The following EPHB2 variants were observed in gnomAD, a reference collection of about 807,000 sequenced individuals.
EPHB2 encodes EPH receptor B2.
Under a neutral mutation model 96.4 loss-of-function variants are expected in EPHB2, and 18 were observed. That is an observed-to-expected ratio of 0.19 (90% CI 0.13 to 0.28). The LOEUF is 0.28. Among genes scored for constraint, EPHB2 ranks in the 10% least tolerant of loss-of-function variants. The pLI, the probability that EPHB2 is intolerant of heterozygous loss-of-function variation, is 1.00. For synonymous variants in EPHB2, 506 were observed against 534.1 expected (o/e 0.95, Z 0.72); for missense variants, 989 against 1,355.4 (o/e 0.73, Z 4.25).
intron 13 of EPHB2, among the ~76,000 whole-genome samples, chr1:22,909,519 T>TGATCAGGAGCTTTTAC (rs1640024740): frequency 1.3e-5 from 2 of 152,228 alleles, no homozygotes; most frequent in Admixed American, 1.3e-4. Context: ...CCAGATGTTA[T>TGATCAGGAGCTTTTAC]GATCAGGAGC....
At chr1:22,863,481 A>T (rs1256775918) in intron 4 of EPHB2, among the ~76,000 whole-genome samples, 1 of 152,174 alleles carries the variant, frequency 6.6e-6, no homozygotes, top group Non-Finnish European at 1.5e-5. Context: ...TTGGCAGGAG[A>T]TGAAGCAACA....
At chr1:22,814,516 C>G (rs950509151) in intron 3 of EPHB2, among the ~76,000 whole-genome samples, 1 of 152,190 alleles carries the variant, frequency 6.6e-6, no homozygotes. Context: ...AGCACCTACT[C>G]TGTACCACGC....
intron 1 of EPHB2, among the ~76,000 whole-genome samples, chr1:22,717,230 C>T (rs890222776): frequency 1.3e-5 from 2 of 152,212 alleles, no homozygotes; most frequent in Non-Finnish European, 2.9e-5. Context: ...TTGCACAGCT[C>T]CCAGGGGTGG....
At chr1:22,829,453 G>A (rs865778949) in intron 3 of EPHB2, among the ~76,000 whole-genome samples, 3 of 152,244 alleles carry the variant, frequency 2.0e-5, no homozygotes, top group Non-Finnish European at 4.4e-5. Context: ...AAGCCAGGGT[G>A]TAAGACCATG....
At chr1:22,777,684 C>T (rs537721548) in intron 1 of EPHB2, among the ~76,000 whole-genome samples, 1 of 152,144 alleles carries the variant, frequency 6.6e-6, no homozygotes, top group Admixed American at 6.5e-5. Flanking sequence ...AGGCTGTAGC[C>T]ACGGAGCAAG....
chr1:22,852,758 T>G (rs1645641946), intron 3 of EPHB2, among the ~76,000 whole-genome samples: 1 of 152,216 alleles, frequency 6.6e-6, no homozygotes. Flanking sequence ...TGCTCCGGCC[T>G]TGGGGCCAGG....
chr1:22,739,587 C>T (rs1372198576), intron 1 of EPHB2, among the ~76,000 whole-genome samples: 1 of 152,154 alleles, frequency 6.6e-6, no homozygotes, highest in Non-Finnish European at 1.5e-5. Flanking sequence ...CATCTCTGAG[C>T]ACATTTCTGA....
chr1:22,738,389 C>T (rs1391375755), intron 1 of EPHB2, among the ~76,000 whole-genome samples: 2 of 152,204 alleles, frequency 1.3e-5, no homozygotes, highest in Non-Finnish European at 2.9e-5. Context: ...TATCTCCAAG[C>T]ATGGCTGGGT....
In EPHB2 at chr1:22,909,261, G is replaced by C; in HGVS notation, c.2502+90G>C. 9.4e-6 allele frequency: 15 copies of C among 1,597,762 alleles called. No homozygotes were observed. In the South Asian group the frequency reaches 1.7e-4, roughly 18 times the overall value. ...CTCCTGGCCTTGTGCCAGTCTCCCA[G>C]AGTGTGGGACATAGGCTTCTGAGAT... On this transcript the variant is annotated intron_variant, in intron 13 of 15. Coordinates refer to ENST00000374630, the MANE Select transcript of EPHB2 (RefSeq NM_017449.5).
chr1:22,718,119 A>C (rs1570142038), intron 1 of EPHB2, among the ~76,000 whole-genome samples: 1 of 152,112 alleles, frequency 6.6e-6, no homozygotes, highest in Middle Eastern at 3.4e-3. Context: ...CAGGTTTTTC[A>C]TCTCCAGCTC....
At chr1:22,795,009 G>A (rs1418004890) in intron 3 of EPHB2, among the ~76,000 whole-genome samples, 1 of 152,204 alleles carries the variant, frequency 6.6e-6, no homozygotes, top group Non-Finnish European at 1.5e-5. Context: ...ATTCTGTGTG[G>A]TTAAGAGCTT....
intron 4 of EPHB2, among the ~76,000 whole-genome samples, chr1:22,864,289 G>A (rs550192745): frequency 2.0e-5 from 3 of 151,854 alleles, no homozygotes; most frequent in Admixed American, 6.6e-5. Context: ...CAGGTGATCC[G>A]CCTGCCTCGG....
rs923887008 is a variant in EPHB2, at chr1:22,906,211, G to A, written c.1888+102G>A. 6.4e-5 allele frequency: 100 copies of A among 1,564,122 alleles called. No individual in the cohort carries two copies. Among genetic ancestry groups the A allele is most frequent in the East Asian group, 5.2e-4 (23 of 44,020 alleles). On this transcript the variant is annotated intron_variant, in intron 10 of 15. Transcript: ENST00000374630. The surrounding 1 kb of genome is among the most constrained non-coding windows in gnomAD (Gnocchi z 4.8). ...GCAGAAGGTAGGATGTGGGACAGGC[G>A]CCTCAAAGGACCCCCCAAGGCCTGA...
At chr1:22,862,982 A>G (rs1239709287) in intron 3 of EPHB2, 55 bp from the exon 4 acceptor site, 1 of 1,612,516 alleles carries the variant, frequency 6.2e-7, no homozygotes, top group African/African-American at 1.3e-5. Context: ...GTGGCTCGTG[A>G]CCTCTCTGAG....
chr1:22,841,168 G>A (rs1645462504), intron 3 of EPHB2, among the ~76,000 whole-genome samples: 1 of 152,168 alleles, frequency 6.6e-6, no homozygotes, highest in Non-Finnish European at 1.5e-5. Flanking sequence ...GCAGTGTGAC[G>A]GGCTCTAATC....
intron 14 of EPHB2, among the ~76,000 whole-genome samples, chr1:22,912,131 C>T (rs1640122322): frequency 6.6e-6 from 1 of 152,190 alleles, no homozygotes; most frequent in Admixed American, 6.5e-5. Flanking sequence ...GCGTCTTCCC[C>T]TCCTCACTTC....
chr1:22,736,373 C>G (rs1643827730), intron 1 of EPHB2, among the ~76,000 whole-genome samples: 1 of 152,170 alleles, frequency 6.6e-6, no homozygotes, highest in South Asian at 2.1e-4. Flanking sequence ...GACGTAAAAG[C>G]CTCTCCCCTT....
chr1:22,755,018 C>G (rs1297927613), intron 1 of EPHB2, among the ~76,000 whole-genome samples: 1 of 135,444 alleles, frequency 7.4e-6, no homozygotes, highest in Non-Finnish European at 1.6e-5. Flanking sequence ...GCCCTGAGCC[C>G]GAGGCCCCCC....
At chr1:22,794,442 C>T (rs1486300345) in intron 3 of EPHB2, among the ~76,000 whole-genome samples, 1 of 152,152 alleles carries the variant, frequency 6.6e-6, no homozygotes, top group African/African-American at 2.4e-5. Flanking sequence ...GTCTGTCCCA[C>T]ACCGCACATA....
Sources: allele counts gnomAD v4.1 joint callset (sites outside exome capture counted in the v4.1 genomes callset), GRCh38; gene constraint gnomAD v4.1.1; non-coding constraint Gnocchi (gnomAD v3.1); transcripts MANE v1.5; gene names NCBI Gene and HGNC (gene_info 2026-07-23, HGNC 2026-07-21).